CATIP: variants seen among roughly 807,000 people sequenced by gnomAD.
The protein encoded by CATIP is ciliogenesis-associated TTC17-interacting protein.
In CATIP, 40 loss-of-function variants were observed where a neutral mutation model predicts 42.5. The ratio of observed to expected loss-of-function variants is 0.94; its 90% CI spans 0.73 to 1.22. CATIP has a LOEUF of 1.22. Ranked by LOEUF, CATIP falls within the 50% of genes most tolerant of loss-of-function variation. The probability of loss-of-function intolerance (pLI) is 0.00; values close to 1 mark genes in which losing one functional copy is unlikely to be tolerated. For missense variants in CATIP, 489 were observed against 496.0 expected (o/e 0.99, Z 0.13); for synonymous variants, 222 against 200.2 (o/e 1.11, Z -0.92).
Position 218,364,678 on chromosome 2 carries a change from C to T in CATIP, c.681C>T (p.Val227=). The T allele has an allele frequency of 6.2e-7, 1 of 1,614,080 alleles. No homozygotes were observed. Among genetic ancestry groups the T allele is most frequent in the Non-Finnish European group, 8.5e-7 (1 of 1,179,970 alleles). The change falls in exon 7 of 10, where the codon GTC becomes GTT. Residue 227 remains valine (V), a synonymous_variant. Coordinates refer to ENST00000289388, the MANE Select transcript of CATIP (RefSeq NM_198559.2). ...TIQVDHQQAE[V]FIVEQTVHAE... is the part of the protein sequence containing the mutation. ...AGGTAGACCATCAGCAGGCTGAAGT[C>T]TTCATCGTGGAGCAGACTGTCCACG...
chr2:218,362,961 A>G, intron 6 of CATIP, 59 bp downstream of exon 6: 1 of 1,517,660 alleles, frequency 6.6e-7, no homozygotes, highest in Non-Finnish European at 8.9e-7. Flanking sequence ...AAGGCGTGAA[A>G]AGCACTGAGA....
At chr2:218,364,582 C>A in intron 6 of CATIP, 46 bp from the exon 7 acceptor site, 1 of 1,603,762 alleles carries the variant, frequency 6.2e-7, no homozygotes, top group African/African-American at 1.3e-5. Context: ...GAGCCCTTGG[C>A]GGGCATCCAC....
chr2:218,367,794 C>T lies in CATIP; in HGVS notation c.994C>T (p.Leu332=). ...AGCCCACGCGCTCATCTCCGACTTC[C>T]TGCTCTTCCTGCTGCTGCGCCAGCC... ...PEAHALISDF[L]LFLLLRQPED... is the part of the protein sequence containing the mutation. The change falls in exon 10 of 10, where the codon CTG becomes TTG. Residue 332 remains leucine (L), a synonymous_variant. Transcript: ENST00000289388. 1 of 1,612,742 alleles carries T rather than the reference C, an allele frequency of 6.2e-7. No homozygotes were observed. The highest frequency in any genetic ancestry group is 8.5e-7 in the Non-Finnish European group (1 of 1,179,884).
At chr2:218,362,699 G>A in intron 5 of CATIP, 36 bp from the exon 6 acceptor site, 5 of 1,594,538 alleles carry the variant, frequency 3.1e-6, no homozygotes, top group Non-Finnish European at 4.3e-6. Context: ...GCCCCTTCCT[G>A]GTTCCAGGAC....
chr2:218,357,534 A>C lies in CATIP; in HGVS notation c.119A>C (p.His40Pro). The C allele has an allele frequency of 6.2e-7, 1 of 1,613,530 alleles. No individual in the cohort carries two copies. Among genetic ancestry groups the C allele is most frequent in the Middle Eastern group, 1.7e-4 (1 of 5,866 alleles). Residue 40 changes from histidine to proline, a missense_variant and splice_region_variant, in exon 3 of 10, where the codon CAC becomes CCC. Coordinates refer to ENST00000289388, the MANE Select transcript of CATIP (RefSeq NM_198559.2). The stretch of plus-strand genomic sequence containing the variant: ...TGTTCCCACGGGCCCCTCACCCCAG[A>C]CAAGGAGGAGCTACAGATGCTGTTC... Reference protein sequence around the residue: ...AEAIDFLSSLHKEELQMLFFS... With the variant: ...AEAIDFLSSLPKEELQMLFFS...
chr2:218,361,123 G>C (rs964477187), intron 5 of CATIP, among the ~76,000 whole-genome samples: 1 of 152,100 alleles, frequency 6.6e-6, no homozygotes, highest in African/African-American at 2.4e-5. Flanking sequence ...GAGCCACCAC[G>C]CCCAGCCTAC....
Position 218,357,589 on chromosome 2 carries a change from C to A in CATIP, c.174C>A (p.Asp58Glu), listed in dbSNP as rs1446653796. 1 of 1,614,052 alleles carries A rather than the reference C, an allele frequency of 6.2e-7. No homozygotes were observed. Among genetic ancestry groups the A allele is most frequent in the South Asian group, 1.1e-5 (1 of 91,080 alleles). The change falls in exon 3 of 10, where the codon GAC becomes GAA. Residue 58 changes from aspartate to glutamate, a missense_variant. Physicochemically the swap from Asp to Glu is conservative, Grantham distance 45. Coordinates refer to ENST00000289388, the MANE Select transcript of CATIP (RefSeq NM_198559.2). ...CTGAGACGCTGGCCATGGTCTCAGA[C>A]ACCGGGGAGCCTCAGGGAGAGCTGA... ...FFSETLAMVS[D>E]TGEPQGELTI...
At position 218,367,937 on chromosome 2, in the gene CATIP, G is replaced by A; in HGVS notation, c.1137G>A (p.Glu379=). 2.5e-6 allele frequency: 4 copies of A among 1,602,732 alleles called. No homozygotes were observed. The highest frequency in any genetic ancestry group is 3.4e-6 in the Non-Finnish European group (4 of 1,176,966). ...RPNPFRSLEP[E]GDARSGAA ...ACCCTTTCCGCTCCCTGGAGCCGGAGGGAGACGCCCGCTCGGGGGCGGCCT... is the reference window on the plus strand; with the variant it reads ...ACCCTTTCCGCTCCCTGGAGCCGGAAGGAGACGCCCGCTCGGGGGCGGCCT... The change falls in exon 10 of 10, where the codon GAG becomes GAA. Residue 379 remains glutamate, a synonymous_variant. Coordinates refer to ENST00000289388, the MANE Select transcript of CATIP (RefSeq NM_198559.2).
intron 4 of CATIP, among the ~76,000 whole-genome samples, chr2:218,359,459 T>G (rs538768851): frequency 9.9e-4 from 150 of 151,934 alleles, no homozygotes; most frequent in Non-Finnish European, 1.8e-3. Flanking sequence ...ACAAGTTAAT[T>G]AAGTGGCTGG....
intron 9 of CATIP, 94 bp downstream of exon 9, chr2:218,367,612 A>G: frequency 4.4e-6 from 7 of 1,598,334 alleles, no homozygotes; most frequent in Non-Finnish European, 6.0e-6. Flanking sequence ...GCACACCCGT[A>G]GGGGCTAGAA....
In CATIP at chr2:218,367,820, G is replaced by A. The variant is rs1469550863; in HGVS notation, c.1020G>A (p.Pro340=). ...DFLLFLLLRQ[P]EDVVTFAAEF... is the part of the protein sequence containing the mutation. ...TGCTCTTCCTGCTGCTGCGCCAGCC[G>A]GAGGACGTGGTCACCTTCGCCGCCG... The change falls in exon 10 of 10, where the codon CCG becomes CCA. Residue 340 remains proline (P), a synonymous_variant. Coordinates refer to ENST00000289388, the MANE Select transcript of CATIP (RefSeq NM_198559.2). The A allele has an allele frequency of 7.4e-6, 12 of 1,613,094 alleles. No homozygotes were observed. Among genetic ancestry groups the A allele is most frequent in the South Asian group, 6.6e-5 (6 of 91,084 alleles).
Position 218,367,985 on chromosome 2 carries a change from G to C in CATIP, c.*21G>C, listed in dbSNP as rs374898914. On this transcript the variant is annotated 3_prime_UTR_variant, in exon 10 of 10. Coordinates refer to ENST00000289388, the MANE Select transcript of CATIP (RefSeq NM_198559.2). ...CCTAAGCGGGGCCCAGGCCCGGACAGGGCAGGAAACCAGGGGTCGGGCTGG... is the reference window on the plus strand; with the variant it reads ...CCTAAGCGGGGCCCAGGCCCGGACACGGCAGGAAACCAGGGGTCGGGCTGG... 2.6e-6 allele frequency: 4 copies of C among 1,523,632 alleles called. No homozygotes were observed. The highest frequency in any genetic ancestry group is 2.8e-5 in the African/African-American group (2 of 71,682). The allele number at this position is 1,523,632 out of a possible 1,614,324, so 94.4% of individuals were successfully genotyped here.
chr2:218,364,368 G>A (rs1456265657), intron 6 of CATIP, among the ~76,000 whole-genome samples: 3 of 147,418 alleles, frequency 2.0e-5, no homozygotes, highest in Non-Finnish European at 4.5e-5. Flanking sequence ...ACACCCCCCC[G>A]CATACCGCTT....
chr2:218,358,765 T>A (rs1159896386), intron 4 of CATIP, among the ~76,000 whole-genome samples: 1 of 151,080 alleles, frequency 6.6e-6, no homozygotes, highest in Non-Finnish European at 1.5e-5. Flanking sequence ...GTGTCTGTAG[T>A]CCCAGCTACT....
intron 7 of CATIP, chr2:218,366,053 G>A (rs1452064673): frequency 6.6e-6 from 1 of 152,120 alleles, no homozygotes; most frequent in African/African-American, 2.4e-5. Flanking sequence ...GACCTGAAGT[G>A]ATCTGCCCAT....
At chr2:218,361,122 C>T (rs367634102) in intron 5 of CATIP, among the ~76,000 whole-genome samples, 3 of 152,140 alleles carry the variant, frequency 2.0e-5, no homozygotes, top group Non-Finnish European at 2.9e-5. Flanking sequence ...TGAGCCACCA[C>T]GCCCAGCCTA....
chr2:218,358,203 C>G, intron 4 of CATIP, 111 bp downstream of exon 4: 1 of 813,354 alleles, frequency 1.2e-6, no homozygotes, highest in African/African-American at 1.7e-5. Flanking sequence ...CACAGTGAAG[C>G]TGAAGAATAG....
rs1038081143 is a variant in CATIP, at chr2:218,357,420, T to C, written c.119-114T>C. 4 of 884,022 alleles carry C rather than the reference T, an allele frequency of 4.5e-6. No homozygotes were observed. The Admixed American group carries it at 9.1e-5, about 20-fold the overall frequency. The allele number at this position is 884,022 out of a possible 1,614,324, so 54.8% of individuals were successfully genotyped here. ...CTGTCCGTGCCAGTGAGGAAGGCTG[T>C]GGGATGAGGAGGCAGGTGGGGACTG... On this transcript the variant is annotated intron_variant, in intron 2 of 9. Coordinates refer to ENST00000289388, the MANE Select transcript of CATIP (RefSeq NM_198559.2).
intron 3 of CATIP, 72 bp from the exon 4 acceptor site, chr2:218,357,965 C>T: frequency 1.4e-6 from 2 of 1,440,366 alleles, no homozygotes; most frequent in Non-Finnish European, 2.0e-6. Context: ...CCAGCTGCGC[C>T]ACCACCTTCC....
Sources: gnomAD v4.1 joint callset for allele counts (sites outside exome capture counted in the v4.1 genomes callset) on GRCh38, gnomAD v4.1.1 for gene constraint, MANE v1.5 for transcripts, NCBI Gene and HGNC (gene_info 2026-07-23, HGNC 2026-07-21) for gene names.